The following LAMC3 variants were observed in gnomAD, a reference collection of about 807,000 sequenced individuals.
LAMC3 encodes laminin subunit gamma-3.
LAMC3 carries 128 observed loss-of-function variants against 173.8 expected under a neutral mutation model. The ratio of observed to expected loss-of-function variants is 0.74; its 90% CI spans 0.64 to 0.85. The LOEUF is 0.85. Among genes scored for constraint, LAMC3 ranks in the 40% least tolerant of loss-of-function variants. The pLI is 0.00. For missense variants in LAMC3, 2,022 were observed against 2,156.0 expected (o/e 0.94, Z 1.23); for synonymous variants, 897 against 909.1 (o/e 0.99, Z 0.24).
rs749575160 is a variant in LAMC3, at chr9:131,091,624, C to T, written c.4565C>T (p.Pro1522Leu). The T allele has an allele frequency of 5.4e-5, 87 of 1,597,636 alleles. No homozygotes were observed. The highest frequency in any genetic ancestry group is 1.8e-4 in the Admixed American group (10 of 56,998). ...LERLRLQLGS[P>L]GSLQRKLSLL... Reference sequence around the variant, plus strand: ...CGCCTGAGGCTGCAGCTGGGCTCCCCGGGGTCCTTGCAGAGGAAACTCAGT... The same window carrying T: ...CGCCTGAGGCTGCAGCTGGGCTCCCTGGGGTCCTTGCAGAGGAAACTCAGT... Residue 1522 changes from proline to leucine, a missense_variant, in exon 28 of 28, where the codon CCG (proline) becomes CTG (leucine). Pro to Leu is a moderately conservative substitution (Grantham distance 98). Coordinates refer to ENST00000361069, the MANE Select transcript of LAMC3 (RefSeq NM_006059.4).
In LAMC3 at chr9:131,066,983, G is replaced by T. The variant is rs1420756942; in HGVS notation, c.2371G>T (p.Asp791Tyr). 18 of 1,613,970 alleles carry T rather than the reference G, an allele frequency of 1.1e-5. No individual in the cohort carries two copies. Among genetic ancestry groups the T allele is most frequent in the Non-Finnish European group, 1.5e-5 (18 of 1,180,040 alleles). ...AGGGCGGCGCTGTGAGGTCTGTGAT[G>T]ATGGCTTTTTTGGGGACCCGCTGGG... The part of the protein sequence containing the change: ...QRGRRCEVCD[D>Y]GFFGDPLGLF... Residue 791 changes from aspartate (D) to tyrosine (Y), a missense_variant, in exon 14 of 28, where the codon GAT becomes TAT. Physicochemically the swap from Asp to Tyr is radical, Grantham distance 160. Coordinates refer to ENST00000361069, the MANE Select transcript of LAMC3 (RefSeq NM_006059.4).
In LAMC3 at chr9:131,026,634, T is replaced by G; in HGVS notation, c.678+45T>G. 1.3e-6 allele frequency: 2 copies of G among 1,515,578 alleles called. No individual in the cohort carries two copies. Among genetic ancestry groups the G allele is most frequent in the Non-Finnish European group, 1.8e-6 (2 of 1,132,116 alleles). 93.9% of individuals were successfully genotyped at this position (1,515,578 alleles called of 1,614,324 possible). A position where few individuals can be genotyped will look rare whatever the true frequency, so the allele number is the denominator to read the frequency against. On this transcript the variant is annotated intron_variant, in intron 2 of 27. Coordinates refer to ENST00000361069, the MANE Select transcript of LAMC3 (RefSeq NM_006059.4). This position sits in a 1 kb window ranked among gnomAD's most constrained non-coding sequence, Gnocchi z 4.8. Reference sequence around the variant, plus strand: ...TCGGAGGTTGGGACGGGGTTGGGACTGGGTCACGGCAGTAGGAGGGTCTGA... The same window carrying G: ...TCGGAGGTTGGGACGGGGTTGGGACGGGGTCACGGCAGTAGGAGGGTCTGA...
chr9:131,066,445 C>T (rs1455613188), intron 13 of LAMC3, among the ~76,000 whole-genome samples: 1 of 151,180 alleles, frequency 6.6e-6, no homozygotes, highest in African/African-American at 2.4e-5. Flanking sequence ...GAGCCGAGAT[C>T]GTACCACACT....
At chr9:131,071,652 G>A in intron 18 of LAMC3, 27 bp downstream of exon 18, 1 of 1,525,334 alleles carries the variant, frequency 6.6e-7, no homozygotes, top group Admixed American at 2.0e-5. Flanking sequence ...GAGCGGGAGG[G>A]TGGGAGGCAA....
In LAMC3 at chr9:131,029,779, C is replaced by T. The variant is rs1468894842; in HGVS notation, c.679-2266C>T. ...AGTAAGACCGCCAGAGTTGAGGGGCCGCCTGAGCACCCCTTGGACATAGAG... is the reference window on the plus strand; with the variant it reads ...AGTAAGACCGCCAGAGTTGAGGGGCTGCCTGAGCACCCCTTGGACATAGAG... On this transcript the variant is annotated intron_variant, in intron 2 of 27. Transcript: ENST00000361069. This position sits in a 1 kb window ranked among gnomAD's most constrained non-coding sequence, Gnocchi z 4.6. Among the ~76,000 whole-genome samples, 7 of 152,060 alleles carry T rather than the reference C, an allele frequency of 4.6e-5. No homozygotes were observed. The highest frequency in any genetic ancestry group is 8.8e-5 in the Non-Finnish European group (6 of 68,008).
intron 20 of LAMC3, among the ~76,000 whole-genome samples, chr9:131,073,944 C>CTTTT (rs57877574): frequency 2.4e-3 from 214 of 90,174 alleles, no homozygotes; most frequent in Non-Finnish European, 3.1e-3. Flanking sequence ...CTTTTCTTTT[C>CTTTT]TTTTTTTTTT....
intron 3 of LAMC3, among the ~76,000 whole-genome samples, chr9:131,032,823 C>T (rs1033980941): frequency 6.6e-6 from 1 of 152,166 alleles, no homozygotes; most frequent in African/African-American, 2.4e-5. Context: ...CATGCGCCAC[C>T]ACGCCCGGCT....
At position 131,009,794 on chromosome 9, in the gene LAMC3, G is replaced by A. The variant is rs1833379420; in HGVS notation, c.373+207G>A. On this transcript the variant is annotated intron_variant, in intron 1 of 27. Coordinates refer to ENST00000361069, the MANE Select transcript of LAMC3 (RefSeq NM_006059.4). The surrounding 1 kb of genome is among the most constrained non-coding windows in gnomAD (Gnocchi z 4.3). ...CACTTTGGGAGGCCGAGATGGGAGG[G>A]TCGCTTGAGCCCAGGAGTTCAAGAT... Among the ~76,000 whole-genome samples the A allele has an allele frequency of 6.6e-6, 1 of 151,858 alleles. No individual in the cohort carries two copies. The highest frequency in any genetic ancestry group is 6.6e-5 in the Admixed American group (1 of 15,242).
chr9:131,076,281 G>A lies in LAMC3; in HGVS notation c.3629+316G>A, dbSNP rs554830527. Among the ~76,000 whole-genome samples the A allele has an allele frequency of 4.6e-5, 7 of 152,188 alleles. 1 individual carries two copies. The highest frequency in any genetic ancestry group is 6.8e-3 in the Middle Eastern group (2 of 294). ...ATTCCCTGACCCCCCTGGCCCCGGC[G>A]CCCCAGCCCAGGGCAGCTCCTCTGA... On this transcript the variant is annotated intron_variant, in intron 21 of 27. Coordinates refer to ENST00000361069, the MANE Select transcript of LAMC3 (RefSeq NM_006059.4).
rs746401119 is a variant in LAMC3 at position 131,032,060 on chromosome 9, AC to A, written c.696del (p.Glu233AsnfsTer6). 4.3e-6 allele frequency: 7 copies of A among 1,613,946 alleles called. No individual in the cohort carries two copies. The Middle Eastern group carries it at 6.6e-4, about 152-fold the overall frequency. ...SPGLQEWVTS[T>X]ELLISLDRLN... The stretch of plus-strand genomic sequence containing the variant: ...TCTGCCCCAGGAGTGGGTCACCAGC[AC>A]CGAACTCCTCATCTCTCTAGACCGG... On this transcript the variant is annotated frameshift_variant, in exon 3 of 28. Transcript: ENST00000361069. LOFTEE classifies it high-confidence loss of function.
intron 21 of LAMC3, among the ~76,000 whole-genome samples, chr9:131,076,300 C>G (rs984623233): frequency 2.0e-5 from 3 of 152,114 alleles, no homozygotes; most frequent in African/African-American, 7.2e-5. Context: ...CAGGGCAGCT[C>G]CTCTGAGCTC....
At chr9:131,031,770 A>G (rs1588142394) in intron 2 of LAMC3, among the ~76,000 whole-genome samples, 1 of 152,116 alleles carries the variant, frequency 6.6e-6, no homozygotes, top group Non-Finnish European at 1.5e-5. Context: ...TTTGTAGGGG[A>G]GGTGCTATTT....
At position 131,009,266 on chromosome 9, in the gene LAMC3, G is replaced by T. The variant is rs1348976199; in HGVS notation, c.52G>T (p.Ala18Ser). 2 of 1,305,958 alleles carry T rather than the reference G, an allele frequency of 1.5e-6. No homozygotes were observed. The highest frequency in any genetic ancestry group is 2.2e-5 in the South Asian group (1 of 45,722). The allele number at this position is 1,305,958 out of a possible 1,614,324, so 80.9% of individuals were successfully genotyped here. The change falls in exon 1 of 28, where the codon GCC becomes TCC. Residue 18 changes from alanine to serine, a missense_variant. By Grantham distance (99) the Ala-to-Ser change is moderately conservative. Transcript: ENST00000361069. This position sits in a 1 kb window ranked among gnomAD's most constrained non-coding sequence, Gnocchi z 4.3. ...GCTGGCGCTGCTGGCACCGCGGGCG[G>T]CCGGCGCGGGCATGGGCGCGTGCTA... ...LGLALLAPRAAGAGMGACYDG... is the reference protein window; with the variant it reads ...LGLALLAPRASGAGMGACYDG...
intron 13 of LAMC3, among the ~76,000 whole-genome samples, chr9:131,062,941 C>CTCTATGTCTCTATG (rs1829859811): frequency 6.6e-6 from 1 of 151,770 alleles, no homozygotes; most frequent in Admixed American, 6.6e-5. Flanking sequence ...AACAGCTGTT[C>CTCTATGTCTCTATG]TCCTCTCTGT....
chr9:131,086,472 A>G (rs1449500462), intron 25 of LAMC3, among the ~76,000 whole-genome samples: 1 of 151,460 alleles, frequency 6.6e-6, no homozygotes, highest in Admixed American at 6.6e-5. Context: ...CAGTAGCACA[A>G]TCACAGCTCA....
chr9:131,056,805 A>G (rs1381185490), intron 11 of LAMC3, 124 bp from the exon 12 acceptor site: 9 of 783,304 alleles, frequency 1.1e-5, no homozygotes, highest in East Asian at 9.7e-5. Flanking sequence ...AAGAAAAATC[A>G]TTGATTGCTA....
At chr9:131,012,787 G>A (rs965464480) in intron 1 of LAMC3, among the ~76,000 whole-genome samples, 1 of 152,238 alleles carries the variant, frequency 6.6e-6, no homozygotes, top group Admixed American at 6.5e-5. Flanking sequence ...CATGGGAAGG[G>A]AGAGTGGGCG....
Position 131,045,585 on chromosome 9 carries a change from T to C in LAMC3, c.1444T>C (p.Cys482Arg). ...TCCAGCTGGCTGCAGCAGCTGTTTC[T>C]GCTATGGCCACTCCAAGGTGTGCGC... Reference protein sequence around the residue: ...HNPAGCSSCFCYGHSKVCAST... With the variant: ...HNPAGCSSCFRYGHSKVCAST... Residue 482 changes from cysteine (C) to arginine (R), a missense_variant, in exon 8 of 28, where the codon TGC becomes CGC. Physicochemically the swap from Cys to Arg is radical, Grantham distance 180. Transcript: ENST00000361069. 6.2e-7 allele frequency: 1 copy of C among 1,614,162 alleles called. No individual in the cohort carries two copies.
rs751056713 is a variant in LAMC3 at position 131,072,689 on chromosome 9, C to T, written c.3271C>T (p.Arg1091Trp). The change falls in exon 19 of 28, where the codon CGG (arginine) becomes TGG (tryptophan). Residue 1091 changes from arginine to tryptophan, a missense_variant. By Grantham distance (101) the Arg-to-Trp change is moderately radical. Coordinates refer to ENST00000361069, the MANE Select transcript of LAMC3 (RefSeq NM_006059.4). ...MSLEGAVKAA[R>W]EQLQRLNKGA... The stretch of plus-strand genomic sequence containing the variant: ...CCTCGAGGGTGCTGTCAAGGCCGCC[C>T]GGGAGCAGCTGCAGAGGCTGAACAA... 9 of 1,611,750 alleles carry T rather than the reference C, an allele frequency of 5.6e-6. No homozygotes were observed. The highest frequency in any genetic ancestry group is 1.3e-5 in the African/African-American group (1 of 74,844).
Sources: gnomAD v4.1 joint callset for allele counts (sites outside exome capture counted in the v4.1 genomes callset) on GRCh38, gnomAD v4.1.1 for gene constraint, Gnocchi (gnomAD v3.1) non-coding constraint, MANE v1.5 for transcripts, NCBI Gene and HGNC (gene_info 2026-07-23, HGNC 2026-07-21) for gene names.